The following HADHB variants were observed in gnomAD, a reference collection of about 807,000 sequenced individuals.
HADHB encodes the protein hydroxyacyl-CoA dehydrogenase trifunctional multienzyme complex subunit beta.
Under a neutral mutation model 61.9 loss-of-function variants are expected in HADHB, and 50 were observed. That is an observed-to-expected ratio of 0.81 (90% CI 0.64 to 1.02). The LOEUF is 1.02. HADHB is among the 50% of genes least tolerant of loss of function. The probability of loss-of-function intolerance (pLI) is 0.00; values close to 1 mark genes in which losing one functional copy is unlikely to be tolerated. For synonymous variants in HADHB, 191 were observed against 201.6 expected (o/e 0.95, Z 0.45); for missense variants, 504 against 586.5 (o/e 0.86, Z 1.45).
intron 1 of HADHB, among the ~76,000 whole-genome samples, chr2:26,252,248 GTGAT>G (rs1246341014): frequency 1.3e-5 from 2 of 152,212 alleles, no homozygotes; most frequent in East Asian, 3.8e-4. Context: ...TATACATTCT[GTGAT>G]ATGGAGAGGG....
intron 1 of HADHB, among the ~76,000 whole-genome samples, chr2:26,250,324 A>G (rs886434229): frequency 6.6e-6 from 1 of 152,086 alleles, no homozygotes; most frequent in Non-Finnish European, 1.5e-5. Flanking sequence ...TATAATTTGT[A>G]CAAGTTCTTT....
At chr2:26,262,913 C>T (rs895721449) in intron 3 of HADHB, among the ~76,000 whole-genome samples, 3 of 151,868 alleles carry the variant, frequency 2.0e-5, no homozygotes. Flanking sequence ...AATTTCTTAG[C>T]CTTTTTTTAA....
chr2:26,285,566 G>A lies in HADHB; in HGVS notation c.1384G>A (p.Gly462Arg), dbSNP rs530599892. 1 of 1,612,974 alleles carries A rather than the reference G, an allele frequency of 6.2e-7. No individual in the cohort carries two copies. The highest frequency in any genetic ancestry group is 1.3e-5 in the African/African-American group (1 of 74,958). The stretch of plus-strand genomic sequence containing the variant: ...CTTAGTGGCTGCGTGTGCAGCTGGA[G>A]GGCAGGTACGTTACAGTGGTGTCAT... Reference protein sequence around the residue: ...YGLVAACAAGGQGHAMIVEAY... With the variant: ...YGLVAACAAGRQGHAMIVEAY... The change falls in exon 15 of 16, where the codon GGG becomes AGG. Residue 462 changes from glycine (G) to arginine (R), a missense_variant. Gly to Arg is a moderately radical substitution (Grantham distance 125). Transcript: ENST00000317799.
At chr2:26,267,905 T>C (rs1288872505) in intron 4 of HADHB, among the ~76,000 whole-genome samples, 1 of 151,664 alleles carries the variant, frequency 6.6e-6, no homozygotes, top group African/African-American at 2.4e-5. Context: ...TTTGGGAGGC[T>C]GAGGTAGGAG....
intron 4 of HADHB, among the ~76,000 whole-genome samples, chr2:26,267,868 A>G (rs773254696): frequency 1.3e-5 from 2 of 151,884 alleles, no homozygotes; most frequent in Non-Finnish European, 2.9e-5. Flanking sequence ...GACTGTGTAC[A>G]GTGGTTCACA....
intron 4 of HADHB, among the ~76,000 whole-genome samples, chr2:26,266,131 T>TG (rs1672067010): frequency 6.6e-6 from 1 of 151,136 alleles, no homozygotes; most frequent in African/African-American, 2.4e-5. Flanking sequence ...CCAGGCATGG[T>TG]GGTGCATGCC....
At chr2:26,283,871 T>C (rs1337791870) in intron 12 of HADHB, among the ~76,000 whole-genome samples, 1 of 152,242 alleles carries the variant, frequency 6.6e-6, no homozygotes, top group African/African-American at 2.4e-5. Flanking sequence ...CTTCATGTTA[T>C]TAGCTTGTCC....
At chr2:26,278,842 A>G in intron 8 of HADHB, 41 bp downstream of exon 8, 1 of 1,521,688 alleles carries the variant, frequency 6.6e-7, no homozygotes, top group East Asian at 2.2e-5. Context: ...GCAGAGATTT[A>G]GAATTAGGTA....
intron 4 of HADHB, among the ~76,000 whole-genome samples, chr2:26,265,001 AAAAG>A (rs1160652762): frequency 4.7e-5 from 7 of 150,132 alleles, no homozygotes; most frequent in African/African-American, 1.3e-4. Context: ...AAAAAAAAAA[AAAAG>A]AAGAAGAAGT....
rs535981231 is a variant in HADHB at position 26,269,357 on chromosome 2, G to C, written c.210-596G>C. Among the ~76,000 whole-genome samples, 19 of 152,114 alleles carry C rather than the reference G, an allele frequency of 1.2e-4. No homozygotes were observed. In the South Asian group the frequency reaches 3.9e-3, roughly 32 times the overall value. ...CTACAGATCCATGCCACCACGCCTG[G>C]CTAATTTTTAATATTTTTTGTAAGA... On this transcript the variant is annotated intron_variant, in intron 4 of 15. Coordinates refer to ENST00000317799, the MANE Select transcript of HADHB (RefSeq NM_000183.3).
chr2:26,270,139 A>G, intron 5 of HADHB, 142 bp downstream of exon 5: 1 of 716,530 alleles, frequency 1.4e-6, no homozygotes, highest in South Asian at 1.5e-5. Context: ...GTCAATCTTT[A>G]TTTTGCAGGC....
Position 26,278,710 on chromosome 2 carries a change from G to A in HADHB, c.539G>A (p.Arg180Lys). 1 of 1,614,068 alleles carries A rather than the reference G, an allele frequency of 6.2e-7. No individual in the cohort carries two copies. Among genetic ancestry groups the A allele is most frequent in the Non-Finnish European group, 8.5e-7 (1 of 1,179,896 alleles). ...DVPIRHSRKM[R>K]KLMLDLNKAK... is the part of the protein sequence containing the mutation. ...CCTATTCGTCACTCAAGGAAAATGA[G>A]AAAACTGATGCTTGATCTCAATAAG... The change falls in exon 8 of 16, where the codon AGA (arginine) becomes AAA (lysine). Residue 180 changes from arginine to lysine, a missense_variant. Coordinates refer to ENST00000317799, the MANE Select transcript of HADHB (RefSeq NM_000183.3).
In HADHB at chr2:26,275,670, G is replaced by A. The variant is rs145225544; in HGVS notation, c.355-1403G>A. On this transcript the variant is annotated intron_variant, in intron 6 of 15. Transcript: ENST00000317799. ...CTTTCGGATTGGTTTACGTTGAGAG[G>A]CTGATGCACAGGTGCCTGGCAGAAG... Among the ~76,000 whole-genome samples the A allele has an allele frequency of 1.1e-4, 16 of 152,330 alleles. No individual in the cohort carries two copies. The East Asian group carries it at 2.7e-3, about 26-fold the overall frequency.
At position 26,278,131 on chromosome 2, in the gene HADHB, G is replaced by T. The variant is rs6723270; in HGVS notation, c.443-483G>T. ...GGGAATGATGCCCGTGACTGGGGGC[G>T]TTCGCCACTCTAGGCAGCATGTGAC... On this transcript the variant is annotated intron_variant, in intron 7 of 15. Coordinates refer to ENST00000317799, the MANE Select transcript of HADHB (RefSeq NM_000183.3). Among the ~76,000 whole-genome samples the T allele has an allele frequency of 5.0e-3, 756 of 152,312 alleles. 4 individuals carry two copies. Among genetic ancestry groups the T allele is most frequent in the African/African-American group, 0.017 (706 of 41,554 alleles).
intron 1 of HADHB, among the ~76,000 whole-genome samples, chr2:26,250,066 G>T (rs1166001354): frequency 6.6e-6 from 1 of 152,178 alleles, no homozygotes; most frequent in East Asian, 1.9e-4. Context: ...GAGTGCAATA[G>T]TATGATCTTG....
chr2:26,268,763 A>C (rs866871371), intron 4 of HADHB, among the ~76,000 whole-genome samples: 19 of 152,170 alleles, frequency 1.2e-4, no homozygotes, highest in African/African-American at 4.6e-4. Flanking sequence ...AGACTCAGAT[A>C]GGTAGTAGCT....
At chr2:26,261,045 C>T in intron 3 of HADHB, 2 of 1,496,190 alleles carry the variant, frequency 1.3e-6, no homozygotes, top group Non-Finnish European at 1.8e-6. Context: ...TGGTTGGCTC[C>T]TATATGGATG....
intron 10 of HADHB, among the ~76,000 whole-genome samples, chr2:26,281,805 G>A (rs964117392): frequency 1.3e-5 from 2 of 152,066 alleles, no homozygotes; most frequent in African/African-American, 4.8e-5. Context: ...GTCTCTTCAG[G>A]GTTGCCGAGT....
chr2:26,251,014 A>T (rs1409651307), intron 1 of HADHB, among the ~76,000 whole-genome samples: 1 of 142,104 alleles, frequency 7.0e-6, no homozygotes. Context: ...TTCCCAGTGA[A>T]TTCATGGAAT....
Sources: gnomAD v4.1 joint callset for allele counts (sites outside exome capture counted in the v4.1 genomes callset) on GRCh38, gnomAD v4.1.1 for gene constraint, MANE v1.5 for transcripts, NCBI Gene and HGNC (gene_info 2026-07-23, HGNC 2026-07-21) for gene names.